Variants in USP48 observed in about 807,000 individuals in gnomAD.
USP48 encodes ubiquitin specific peptidase 48.
In USP48, 43 loss-of-function variants were observed where a neutral mutation model predicts 150.7. The observed-to-expected ratio is 0.29, with a 90% confidence interval of 0.22 to 0.37. USP48 has a LOEUF of 0.37. Ranked by LOEUF, USP48 falls within the 10% of genes least tolerant of loss-of-function variation. The pLI, the probability that USP48 is intolerant of heterozygous loss-of-function variation, is 1.00. For missense variants in USP48, 813 were observed against 1,249.6 expected (o/e 0.65, Z 5.27); for synonymous variants, 396 against 425.9 (o/e 0.93, Z 0.86).
chr1:21,697,361 G>A (rs181579136), intron 22 of USP48, among the ~76,000 whole-genome samples: 1 of 151,742 alleles, frequency 6.6e-6, no homozygotes, highest in African/African-American at 2.4e-5. Flanking sequence ...TCTCAGTCTC[G>A]ACTGTTGAAA....
intron 9 of USP48, among the ~76,000 whole-genome samples, chr1:21,736,131 G>A (rs999721466): frequency 6.6e-6 from 1 of 152,038 alleles, no homozygotes; most frequent in African/African-American, 2.4e-5. Context: ...GTCAGGTGTG[G>A]TGGCACTTAT....
At chr1:21,764,474 C>T (rs1019901309) in intron 1 of USP48, among the ~76,000 whole-genome samples, 2 of 150,716 alleles carry the variant, frequency 1.3e-5, no homozygotes, top group South Asian at 4.2e-4. Flanking sequence ...AGTGGGAGGC[C>T]GAGGCTGGTG....
chr1:21,778,572 G>A (rs2097906076), intron 1 of USP48, among the ~76,000 whole-genome samples: 1 of 117,716 alleles, frequency 8.5e-6, no homozygotes, highest in Non-Finnish European at 1.6e-5. Context: ...TTCAAGGACA[G>A]CCTACACAAC....
At chr1:21,710,555 G>A (rs1480116766) in intron 15 of USP48, among the ~76,000 whole-genome samples, 2 of 152,264 alleles carry the variant, frequency 1.3e-5, no homozygotes. Context: ...TATAAAGCTT[G>A]TTATATAATA....
At chr1:21,699,324 G>A (rs1389665016) in intron 22 of USP48, among the ~76,000 whole-genome samples, 6 of 149,084 alleles carry the variant, frequency 4.0e-5, no homozygotes, top group Non-Finnish European at 7.4e-5. Context: ...TCAGCCTCTC[G>A]AGTAGCTGGG....
At position 21,774,165 on chromosome 1, in the gene USP48, C is replaced by T. The variant is rs375255842; in HGVS notation, c.134+8659G>A. 3.4e-5 allele frequency among the ~76,000 whole-genome samples: 5 copies of T among 145,466 alleles called. No homozygotes were observed. In the East Asian group the frequency reaches 1.0e-3, roughly 29 times the overall value. On this transcript the variant is annotated intron_variant, in intron 1 of 26. Coordinates refer to ENST00000308271, the MANE Select transcript of USP48 (RefSeq NM_032236.8). ...CTGCACTCCAGCCTGGGTGACAGAG[C>T]GAGACTCCGTCTCAAAATAATAATA...
intron 9 of USP48, among the ~76,000 whole-genome samples, chr1:21,732,134 C>T (rs995519762): frequency 1.3e-5 from 2 of 151,980 alleles, no homozygotes; most frequent in Non-Finnish European, 2.9e-5. Flanking sequence ...AAATAATTAG[C>T]CAGGCATGGT....
intron 9 of USP48, among the ~76,000 whole-genome samples, chr1:21,736,076 C>T (rs1298319153): frequency 2.0e-5 from 3 of 151,864 alleles, no homozygotes; most frequent in East Asian, 3.9e-4. Context: ...CTCTCTCTTA[C>T]TGAAAAAAAT....
intron 14 of USP48, 140 bp downstream of exon 14, chr1:21,720,896 C>A: frequency 8.9e-7 from 1 of 1,126,508 alleles, no homozygotes; most frequent in South Asian, 1.5e-5. Context: ...GTGGGGCTGG[C>A]ACAACCGCTG....
chr1:21,752,011 C>A, intron 5 of USP48, among the ~76,000 whole-genome samples: 2 of 129,038 alleles, frequency 1.5e-5, no homozygotes, highest in African/African-American at 2.9e-5. Context: ...AGCAAGAGTC[C>A]ATCTCAAAAA....
intron 8 of USP48, among the ~76,000 whole-genome samples, chr1:21,741,855 T>C (rs1217711532): frequency 6.6e-6 from 1 of 151,946 alleles, no homozygotes; most frequent in African/African-American, 2.4e-5. Flanking sequence ...ACACCTGTGG[T>C]CCCAGCTACT....
chr1:21,775,482 T>C (rs951197849), intron 1 of USP48, among the ~76,000 whole-genome samples: 9 of 152,136 alleles, frequency 5.9e-5, no homozygotes, highest in Non-Finnish European at 1.3e-4. Flanking sequence ...CTCAAACTCC[T>C]GACCTCAAGT....
chr1:21,730,558 T>C (rs2097754187), intron 9 of USP48, among the ~76,000 whole-genome samples: 1 of 151,490 alleles, frequency 6.6e-6, no homozygotes, highest in Admixed American at 6.6e-5. Flanking sequence ...GTCGGGCATG[T>C]TGGCACATGC....
intron 12 of USP48, among the ~76,000 whole-genome samples, chr1:21,722,459 A>G (rs563138572): frequency 3.0e-4 from 46 of 151,742 alleles, no homozygotes; most frequent in African/African-American, 8.9e-4. Context: ...GGACTGCTTA[A>G]GCCTAGAAGT....
intron 5 of USP48, among the ~76,000 whole-genome samples, chr1:21,752,108 G>A (rs926837393): frequency 6.6e-6 from 1 of 152,066 alleles, no homozygotes; most frequent in African/African-American, 2.4e-5. Flanking sequence ...AATGTTAAGA[G>A]GTACAAGTGC....
At chr1:21,763,050 CA>C (rs1027877276) in intron 1 of USP48, among the ~76,000 whole-genome samples, 8 of 151,906 alleles carry the variant, frequency 5.3e-5, no homozygotes, top group African/African-American at 1.9e-4. Flanking sequence ...TGTCCCCACC[CA>C]AAAATCATGC....
intron 15 of USP48, among the ~76,000 whole-genome samples, chr1:21,713,447 A>ATGTGTCCTGAAGCAACATTC (rs752302104): frequency 6.6e-4 from 100 of 152,284 alleles, no homozygotes; most frequent in Non-Finnish European, 1.3e-3. Context: ...GGAGTGGAGT[A>ATGTGTCCTGAAGCAACATTC]TGTGTCCTGA....
Position 21,724,010 on chromosome 1 carries a change from G to A in USP48, c.1536C>T (p.Cys512=). 6.2e-7 allele frequency: 1 copy of A among 1,614,096 alleles called. No individual in the cohort carries two copies. The highest frequency in any genetic ancestry group is 8.5e-7 in the Non-Finnish European group (1 of 1,180,006). The change falls in exon 12 of 27, where the codon TGC becomes TGT. Residue 512 remains cysteine, a synonymous_variant. Coordinates refer to ENST00000308271, the MANE Select transcript of USP48 (RefSeq NM_032236.8). The part of the protein sequence containing the change: ...TPTKPIDNHA[C]LCSHDKLHPD... Reference sequence around the variant, plus strand: ...GGTGAAGCTTGTCATGGGAACACAGGCAAGCGTGATTATCAATAGGTTTGG... The same window carrying A: ...GGTGAAGCTTGTCATGGGAACACAGACAAGCGTGATTATCAATAGGTTTGG...
At chr1:21,754,411 T>C (rs563456333) in intron 3 of USP48, among the ~76,000 whole-genome samples, 1 of 152,200 alleles carries the variant, frequency 6.6e-6, no homozygotes, top group South Asian at 2.1e-4. Context: ...AAAGTTTTAA[T>C]GAGCTAGTGC....
Sources: gnomAD v4.1 joint callset for allele counts (sites outside exome capture counted in the v4.1 genomes callset) on GRCh38, gnomAD v4.1.1 for gene constraint, MANE v1.5 for transcripts, NCBI Gene and HGNC (gene_info 2026-07-23, HGNC 2026-07-21) for gene names.